The following TNNI3K variants were observed in gnomAD, a reference collection of about 807,000 sequenced individuals.
TNNI3K encodes TNNI3 interacting kinase.
Under a neutral mutation model 114.5 loss-of-function variants are expected in TNNI3K, and 140 were observed. That is an observed-to-expected ratio of 1.22 (90% CI 1.07 to 1.41). The LOEUF is 1.41. TNNI3K is among the 40% of genes most tolerant of loss of function. The pLI is 0.00. For missense variants in TNNI3K, 1,125 were observed against 1,007.6 expected (o/e 1.12, Z -1.58); for synonymous variants, 347 against 347.5 (o/e 1.00, Z 0.02).
At chr1:74,349,454 A>C (rs1432187325) in intron 9 of TNNI3K, among the ~76,000 whole-genome samples, 2 of 152,186 alleles carry the variant, frequency 1.3e-5, no homozygotes, top group Admixed American at 6.5e-5. Context: ...TGTCTCTGCC[A>C]GCCTTTGGTA....
intron 23 of TNNI3K, among the ~76,000 whole-genome samples, chr1:74,507,562 T>G (rs1669971412): frequency 6.6e-6 from 1 of 152,198 alleles, no homozygotes; most frequent in Non-Finnish European, 1.5e-5. Context: ...GTGTATTGAA[T>G]GAATGAATGA....
intron 21 of TNNI3K, chr1:74,468,838 A>G (rs991206024): frequency 6.6e-6 from 1 of 152,158 alleles, no homozygotes; most frequent in African/African-American, 2.4e-5. Context: ...TTGTGAAGGT[A>G]TGCTTCAAAT....
rs939090747 is a variant in TNNI3K at position 74,347,378 on chromosome 1, G to A, written c.932+4199G>A. Among the ~76,000 whole-genome samples, 479 of 151,744 alleles carry A rather than the reference G, an allele frequency of 3.2e-3. 2 individuals carry two copies. Among genetic ancestry groups the A allele is most frequent in the African/African-American group, 0.011 (452 of 41,342 alleles). On this transcript the variant is annotated intron_variant, in intron 9 of 24. Coordinates refer to ENST00000326637, the MANE Select transcript of TNNI3K (RefSeq NM_015978.3). ...GTATTCCATGGTGTATATGTGCCAC[G>A]TTTTCTTAATCTAGTCTATCATTGT... is the stretch of plus-strand genomic sequence containing the variant.
chr1:74,291,488 G>C (rs1657675100), intron 5 of TNNI3K, among the ~76,000 whole-genome samples: 1 of 151,472 alleles, frequency 6.6e-6, no homozygotes, highest in Non-Finnish European at 1.5e-5. Flanking sequence ...TTTATGTCGG[G>C]AATAGGTATC....
At chr1:74,236,238 T>G (rs959675645) in intron 2 of TNNI3K, 28 bp downstream of exon 2, 2 of 1,572,448 alleles carry the variant, frequency 1.3e-6, no homozygotes, top group Non-Finnish European at 1.7e-6. Context: ...ATTATTTCTT[T>G]GTATAAGTGT....
At chr1:74,529,176 A>G (rs559588657) in intron 23 of TNNI3K, among the ~76,000 whole-genome samples, 3 of 152,240 alleles carry the variant, frequency 2.0e-5, no homozygotes, top group Admixed American at 6.5e-5. Context: ...CTTATTAATT[A>G]CAAAGAGAAA....
At chr1:74,400,294 C>T (rs550679643) in intron 17 of TNNI3K, among the ~76,000 whole-genome samples, 2 of 152,198 alleles carry the variant, frequency 1.3e-5, no homozygotes, top group African/African-American at 2.4e-5. Flanking sequence ...ACCGATCCCA[C>T]TACTTCCTTT....
Position 74,402,848 on chromosome 1 carries a change from C to T in TNNI3K, c.1772+32456C>T, listed in dbSNP as rs1486720150. ...ATGTGGCCTAACACAAATGTGTAAA[C>T]TTTCTTAAAACATTATGAGTTTTTA... On this transcript the variant is annotated intron_variant, in intron 17 of 24. Coordinates refer to ENST00000326637, the MANE Select transcript of TNNI3K (RefSeq NM_015978.3). 2.0e-5 allele frequency among the ~76,000 whole-genome samples: 3 copies of T among 152,134 alleles called. No homozygotes were observed. In the East Asian group the frequency reaches 5.8e-4, roughly 29 times the overall value.
At chr1:74,526,134 CA>C (rs1646501915) in intron 23 of TNNI3K, among the ~76,000 whole-genome samples, 1 of 152,134 alleles carries the variant, frequency 6.6e-6, no homozygotes, top group South Asian at 2.1e-4. Flanking sequence ...TCTGCATGTT[CA>C]AAGAGTTTAG....
chr1:74,460,972 G>T lies in TNNI3K; in HGVS notation c.2012-2469G>T, dbSNP rs192956039. Among the ~76,000 whole-genome samples, 18 of 152,292 alleles carry T rather than the reference G, an allele frequency of 1.2e-4. No individual in the cohort carries two copies. The East Asian group carries it at 3.5e-3, about 29-fold the overall frequency. On this transcript the variant is annotated intron_variant, in intron 20 of 24. Transcript: ENST00000326637. The stretch of plus-strand genomic sequence containing the variant: ...GGGGATGGTTGGCACCTGCATCAGA[G>T]TTTAACTCATTTTATGACTAGTCCC...
At chr1:74,314,307 G>T (rs971026027) in intron 5 of TNNI3K, among the ~76,000 whole-genome samples, 1 of 151,792 alleles carries the variant, frequency 6.6e-6, no homozygotes, top group East Asian at 1.9e-4. Flanking sequence ...AACTTTCAAG[G>T]TGTTTTCTTG....
At chr1:74,311,354 A>G (rs917647326) in intron 5 of TNNI3K, among the ~76,000 whole-genome samples, 1 of 152,164 alleles carries the variant, frequency 6.6e-6, no homozygotes, top group African/African-American at 2.4e-5. Flanking sequence ...AATCTGTCAT[A>G]TACAGTGAAG....
intron 17 of TNNI3K, chr1:74,373,555 A>T (rs1419527520): frequency 6.6e-6 from 1 of 151,906 alleles, no homozygotes; most frequent in African/African-American, 2.4e-5. Flanking sequence ...CATTTTCTGA[A>T]CTAAGCATTG....
intron 9 of TNNI3K, among the ~76,000 whole-genome samples, chr1:74,343,955 T>G (rs1421166758): frequency 6.6e-6 from 1 of 152,228 alleles, no homozygotes; most frequent in Non-Finnish European, 1.5e-5. Flanking sequence ...TAATTTATAT[T>G]TAGTAGATCT....
At chr1:74,367,542 C>T (rs958565211) in intron 12 of TNNI3K, among the ~76,000 whole-genome samples, 200 bp downstream of exon 12, 1 of 151,890 alleles carries the variant, frequency 6.6e-6, no homozygotes, top group Non-Finnish European at 1.5e-5. Context: ...TTCTAACTCA[C>T]CAATCTGCAG....
chr1:74,416,490 AC>A (rs1041912279), intron 17 of TNNI3K: 2 of 981,602 alleles, frequency 2.0e-6, no homozygotes, highest in African/African-American at 3.5e-5. Context: ...TAGAGGCTTT[AC>A]ACTAGTAGGT....
intron 22 of TNNI3K, among the ~76,000 whole-genome samples, chr1:74,490,397 G>A (rs1669006420): frequency 6.6e-6 from 1 of 152,118 alleles, no homozygotes. Flanking sequence ...TGAAACTTAG[G>A]GTTTGAGTGA....
chr1:74,305,499 G>A (rs994101988), intron 5 of TNNI3K, among the ~76,000 whole-genome samples: 1 of 152,200 alleles, frequency 6.6e-6, no homozygotes, highest in Non-Finnish European at 1.5e-5. Flanking sequence ...GCTGTAAGGA[G>A]GGAGCTGTGC....
intron 21 of TNNI3K, chr1:74,471,627 T>C (rs1200454934): frequency 1.2e-5 from 5 of 400,680 alleles, no homozygotes; most frequent in Middle Eastern, 3.1e-4. Context: ...TACTTTGATT[T>C]TTCTGTCGTT....
Sources: gnomAD v4.1 joint callset for allele counts (sites outside exome capture counted in the v4.1 genomes callset) on GRCh38, gnomAD v4.1.1 for gene constraint, MANE v1.5 for transcripts, NCBI Gene and HGNC (gene_info 2026-07-23, HGNC 2026-07-21) for gene names.